Variants in RDH11 observed in about 807,000 individuals in gnomAD.
The protein encoded by RDH11 is retinol dehydrogenase 11.
A neutral mutation model predicts 33.4 loss-of-function variants in RDH11; 19 were observed. That is an observed-to-expected ratio of 0.57 (90% CI 0.40 to 0.83). The LOEUF (loss-of-function observed/expected upper bound fraction) is 0.83, where lower values mean the gene tolerates loss of function less well. RDH11 is among the 40% of genes least tolerant of loss of function. The probability of loss-of-function intolerance (pLI) is 0.00; values close to 1 mark genes in which losing one functional copy is unlikely to be tolerated. For missense variants in RDH11, 353 were observed against 389.0 expected, an observed-to-expected ratio of 0.91 and a Z score of 0.78; for synonymous variants, 154 against 155.3, an observed-to-expected ratio of 0.99 and a Z score of 0.06.
At chr14:67,687,090 T>C (rs534131820) in intron 5 of RDH11, among the ~76,000 whole-genome samples, 2 of 152,316 alleles carry the variant, frequency 1.3e-5, no homozygotes, top group Admixed American at 6.5e-5. Flanking sequence ...ACCTAAAGCA[T>C]GCATCTCCAG....
rs1200023295 is a variant in RDH11 at position 67,693,095 on chromosome 14, G to A, written c.75-43C>T. On this transcript the variant is annotated intron_variant, in intron 1 of 6. Transcript: ENST00000381346. ...GAGCTCATCAATTCTTCATTCTACT[G>A]TCTCAGCCAGTAGGTTCCTGCAACT... 14 of 1,388,438 alleles carry A rather than the reference G, an allele frequency of 1.0e-5. No individual in the cohort carries two copies. The East Asian group carries it at 1.9e-4, about 19-fold the overall frequency. 86.0% of individuals were successfully genotyped at this position (1,388,438 alleles called of 1,614,324 possible).
chr14:67,691,994 CT>C (rs1273993651), intron 3 of RDH11: 1 of 155,774 alleles, frequency 6.4e-6, no homozygotes, highest in Non-Finnish European at 1.4e-5. Context: ...TGGTAAACTT[CT>C]TTGTCATGTC....
intron 4 of RDH11, 58 bp from the exon 5 acceptor site, chr14:67,690,479 G>A (rs1462332249): frequency 1.2e-5 from 17 of 1,454,308 alleles, no homozygotes; most frequent in Admixed American, 3.4e-5. Flanking sequence ...GACAGGAGTC[G>A]TGGTGAGCAG....
chr14:67,682,122 CT>C lies in RDH11; in HGVS notation c.854+2892del, dbSNP rs1453842979. On this transcript the variant is annotated intron_variant, in intron 6 of 6. Coordinates refer to ENST00000381346, the MANE Select transcript of RDH11 (RefSeq NM_016026.4). ...CCGGAACCATGAGCTAAGTAAATTTCTTTAGAAATTACCCAGTCTGTGGTAT... is the reference window on the plus strand; with the variant it reads ...CCGGAACCATGAGCTAAGTAAATTTCTTAGAAATTACCCAGTCTGTGGTAT... Among the ~76,000 whole-genome samples the C allele has an allele frequency of 4.6e-5, 7 of 152,216 alleles. No individual in the cohort carries two copies. In the East Asian group the frequency reaches 1.2e-3, roughly 25 times the overall value.
intron 6 of RDH11, 67 bp downstream of exon 6, chr14:67,684,948 C>A: frequency 2.2e-6 from 3 of 1,376,106 alleles, no homozygotes; most frequent in South Asian, 1.4e-5. Context: ...AAGGGTATAC[C>A]CAGACAAACC....
rs1335925552 is a variant in RDH11 at position 67,678,262 on chromosome 14, GACAAGAAGTAC to G, written c.*48_*58del. 9.0e-7 allele frequency: 1 copy of G among 1,106,180 alleles called. No individual in the cohort carries two copies. Among genetic ancestry groups the G allele is most frequent in the African/African-American group, 1.6e-5 (1 of 64,490 alleles). The allele number at this position is 1,106,180 out of a possible 1,614,324, so 68.5% of individuals were successfully genotyped here. A position where few individuals can be genotyped will look rare whatever the true frequency, so the allele number is the denominator to read the frequency against. On this transcript the variant is annotated 3_prime_UTR_variant, in exon 7 of 7. Coordinates refer to ENST00000381346, the MANE Select transcript of RDH11 (RefSeq NM_016026.4). ...GAAAACCTTGAAGGAGAATCATTTT[GACAAGAAGTAC>G]TGTGTAGTCTGCTGCAGTCTTCTCT... is the stretch of plus-strand genomic sequence containing the variant.
At position 67,692,468 on chromosome 14, in the gene RDH11, T is replaced by A; in HGVS notation, c.319A>T (p.Ile107Phe). 6.2e-7 allele frequency: 1 copy of A among 1,614,160 alleles called. No individual in the cohort carries two copies. The highest frequency in any genetic ancestry group is 8.5e-7 in the Non-Finnish European group (1 of 1,180,022). ...AAGAAGCCCTTAGCAAAAGCTCGAA[T>A]AGACTTAGTATCAGACAGGTCCAGT... ...RKLDLSDTKS[I>F]RAFAKGFLAE... The change falls in exon 3 of 7, where the codon ATT (isoleucine) becomes TTT (phenylalanine). Residue 107 changes from isoleucine (I) to phenylalanine (F), a missense_variant. Coordinates refer to ENST00000381346, the MANE Select transcript of RDH11 (RefSeq NM_016026.4).
chr14:67,679,833 A>AG (rs938972106), intron 6 of RDH11, among the ~76,000 whole-genome samples: 6 of 152,246 alleles, frequency 3.9e-5, no homozygotes, highest in African/African-American at 1.4e-4. Context: ...TTTAAAAAAA[A>AG]TGATTGAATG....
At chr14:67,684,031 C>T (rs952839677) in intron 6 of RDH11, among the ~76,000 whole-genome samples, 1 of 152,172 alleles carries the variant, frequency 6.6e-6, no homozygotes, top group Non-Finnish European at 1.5e-5. Context: ...AATTCTGCTG[C>T]TTCAGGGCCT....
At chr14:67,687,180 C>T (rs993052738) in intron 5 of RDH11, among the ~76,000 whole-genome samples, 3 of 152,210 alleles carry the variant, frequency 2.0e-5, no homozygotes, top group African/African-American at 7.2e-5. Context: ...AAACTACCCT[C>T]ATTTCTCACC....
In RDH11 at chr14:67,691,136, T is replaced by C; in HGVS notation, c.454+4A>G. 6.2e-7 allele frequency: 1 copy of C among 1,606,362 alleles called. No homozygotes were observed. Among genetic ancestry groups the C allele is most frequent in the Non-Finnish European group, 8.5e-7 (1 of 1,172,904 alleles). On this transcript the variant is annotated splice_donor_region_variant and intron_variant, in intron 4 of 6. Transcript: ENST00000381346. ...TAGCTTTGTGATAAGGCCAGATTTC[T>C]TACCCAAGTGGTTGACTCCTATGTG...
At chr14:67,686,179 G>A (rs1208627122) in intron 5 of RDH11, 1 of 152,150 alleles carries the variant, frequency 6.6e-6, no homozygotes, top group East Asian at 1.9e-4. Flanking sequence ...TAGACAGACT[G>A]CCCAGTTTCA....
In RDH11 at chr14:67,677,008, T is replaced by G. The variant is rs970522682; in HGVS notation, c.*1313A>C. 1.3e-5 allele frequency: 2 copies of G among 152,180 alleles called. No individual in the cohort carries two copies. Among genetic ancestry groups the G allele is most frequent in the Non-Finnish European group, 2.9e-5 (2 of 68,026 alleles). 9.4% of individuals were successfully genotyped at this position (152,180 alleles called of 1,614,324 possible). A position where few individuals can be genotyped will look rare whatever the true frequency, so the allele number is the denominator to read the frequency against. ...CATATAGCTTAATGGTCAAAACAAG[T>G]GCAATAAAAGATTAATTTACAAGTA... On this transcript the variant is annotated 3_prime_UTR_variant, in exon 7 of 7. Transcript: ENST00000381346.
chr14:67,685,073 T>C lies in RDH11; in HGVS notation c.796A>G (p.Thr266Ala). ...FIKTPQQGAQ[T>A]SLHCALTEGL... is the part of the protein sequence containing the mutation. Reference sequence around the variant, plus strand: ...TCTGTTAAGGCACAGTGCAGGCTGGTCTGGGCTCCCTGCTGAGGAGTCTTG... The same window carrying C: ...TCTGTTAAGGCACAGTGCAGGCTGGCCTGGGCTCCCTGCTGAGGAGTCTTG... The change falls in exon 6 of 7, where the codon ACC (threonine) becomes GCC (alanine). Residue 266 changes from threonine (T) to alanine (A), a missense_variant. Thr to Ala is a moderately conservative substitution (Grantham distance 58). Coordinates refer to ENST00000381346, the MANE Select transcript of RDH11 (RefSeq NM_016026.4). 6.2e-7 allele frequency: 1 copy of C among 1,614,178 alleles called. No individual in the cohort carries two copies. Among genetic ancestry groups the C allele is most frequent in the Non-Finnish European group, 8.5e-7 (1 of 1,180,020 alleles).
In RDH11 at chr14:67,678,214, G is replaced by A. The variant is rs2037568089; in HGVS notation, c.*107C>T. The A allele has an allele frequency of 1.4e-6, 1 of 737,310 alleles. No individual in the cohort carries two copies. The highest frequency in any genetic ancestry group is 1.8e-5 in the African/African-American group (1 of 57,016). 45.7% of individuals were successfully genotyped at this position (737,310 alleles called of 1,614,324 possible). ...CAAGCAGGCAAGGCTGGAAGGTTTT[G>A]CTCTCTTTGTGCTAAAGGTTTTGAA... On this transcript the variant is annotated 3_prime_UTR_variant, in exon 7 of 7. Transcript: ENST00000381346.
chr14:67,692,909 G>T, intron 2 of RDH11, 25 bp downstream of exon 2: 1 of 1,413,994 alleles, frequency 7.1e-7, no homozygotes, highest in Non-Finnish European at 1.0e-6. Context: ...AGTAATAGGA[G>T]GGAATTGAAA....
At position 67,682,376 on chromosome 14, in the gene RDH11, C is replaced by T. The variant is rs371052457; in HGVS notation, c.854+2639G>A. Reference sequence around the variant, plus strand: ...AATTATATATCTGACAAGGAACTCGCATCTAGACTATTAAGAACTCTTGTA... The same window carrying T: ...AATTATATATCTGACAAGGAACTCGTATCTAGACTATTAAGAACTCTTGTA... On this transcript the variant is annotated intron_variant, in intron 6 of 6. Transcript: ENST00000381346. 3.0e-4 allele frequency among the ~76,000 whole-genome samples: 46 copies of T among 152,260 alleles called. 1 individual carries two copies. The highest frequency in any genetic ancestry group is 1.1e-3 in the African/African-American group (45 of 41,552).
chr14:67,692,810 A>T (rs771214481), intron 2 of RDH11, 124 bp downstream of exon 2: 3 of 878,300 alleles, frequency 3.4e-6, no homozygotes, highest in Non-Finnish European at 5.4e-6. Flanking sequence ...CAGATCAGCA[A>T]ATCAGTGGAA....
intron 3 of RDH11, 77 bp downstream of exon 3, chr14:67,692,361 G>A: frequency 6.7e-7 from 1 of 1,501,748 alleles, no homozygotes; most frequent in Non-Finnish European, 9.1e-7. Context: ...ATGAGGAAGA[G>A]GGACCTTTTC....
Sources: gnomAD v4.1 joint callset for allele counts (sites outside exome capture counted in the v4.1 genomes callset) on GRCh38, gnomAD v4.1.1 for gene constraint, MANE v1.5 for transcripts, NCBI Gene and HGNC (gene_info 2026-07-23, HGNC 2026-07-21) for gene names.